The following DEFB125 variants were observed in gnomAD, a reference collection of about 807,000 sequenced individuals.
The protein encoded by DEFB125 is beta-defensin 125.
DEFB125 carries 11 observed loss-of-function variants against 11.8 expected under a neutral mutation model. That is an observed-to-expected ratio of 0.94 (90% CI 0.59 to 1.55). The LOEUF (loss-of-function observed/expected upper bound fraction) is 1.55. DEFB125 is among the 40% of genes most tolerant of loss of function. DEFB125 has a pLI of 0.00. For synonymous variants in DEFB125, 79 were observed against 66.7 expected (o/e 1.18, Z -0.90); for missense variants, 198 against 191.2 (o/e 1.04, Z -0.21).
intron 1 of DEFB125, among the ~76,000 whole-genome samples, chr20:93,902 A>T (rs2054505416): frequency 6.7e-6 from 1 of 150,050 alleles, no homozygotes; most frequent in South Asian, 2.1e-4. Flanking sequence ...GCTTGGTAAT[A>T]TTTTTTTTTT....
Position 97,059 on chromosome 20 carries a change from C to T in DEFB125, c.*642C>T, listed in dbSNP as rs2054518587. ...AAAAGTGGGACTTGCCTTGAGAGTA[C>T]ATCATATTAAATTAAAAGCTGCATC... On this transcript the variant is annotated 3_prime_UTR_variant, in exon 2 of 2. Coordinates refer to ENST00000382410, the MANE Select transcript of DEFB125 (RefSeq NM_153325.4). 6.6e-6 allele frequency: 1 copy of T among 152,200 alleles called. No individual in the cohort carries two copies. The highest frequency in any genetic ancestry group is 2.1e-4 in the South Asian group (1 of 4,828). The allele number at this position is 152,200 out of a possible 1,614,324, so 9.4% of individuals were successfully genotyped here. A position where few individuals can be genotyped will look rare whatever the true frequency, so the allele number is the denominator to read the frequency against.
Position 87,766 on chromosome 20 carries a change from AG to A in DEFB125, c.58+1del, listed in dbSNP as rs2054481338. ...GTGGGTTGCTAACTCGGGTGACCAA[AG>A]GTAATGGAACCCTATAAAGCAGAGA... ...ICGLLTRVTKGSFEPQKCWKN... is the reference protein window; with the variant it reads ...ICGLLTRVTKXSFEPQKCWKN... On this transcript the variant is annotated frameshift_variant and splice_region_variant, in exon 1 of 2. Coordinates refer to ENST00000382410, the MANE Select transcript of DEFB125 (RefSeq NM_153325.4). LOFTEE classifies it high-confidence loss of function. 2 of 1,612,894 alleles carry A rather than the reference AG, an allele frequency of 1.2e-6. No homozygotes were observed. The highest frequency in any genetic ancestry group is 2.7e-5 in the African/African-American group (2 of 74,888).
chr20:90,970 C>T (rs1156665669), intron 1 of DEFB125, among the ~76,000 whole-genome samples: 1 of 152,112 alleles, frequency 6.6e-6, no homozygotes, highest in Non-Finnish European at 1.5e-5. Flanking sequence ...TTTCTGCAAA[C>T]CATTTGTCAC....
In DEFB125 at chr20:96,498, T is replaced by A; in HGVS notation, c.*81T>A. The A allele has an allele frequency of 6.7e-7, 1 of 1,485,912 alleles. No individual in the cohort carries two copies. Among genetic ancestry groups the A allele is most frequent in the Non-Finnish European group, 9.0e-7 (1 of 1,114,856 alleles). The allele number at this position is 1,485,912 out of a possible 1,614,324, so 92.0% of individuals were successfully genotyped here. A position where few individuals can be genotyped will look rare whatever the true frequency, so the allele number is the denominator to read the frequency against. ...AAGAGCTGATTCTACCAATCCAATT[T>A]CACCAGGAAAATTCCATCAGGGATT... On this transcript the variant is annotated 3_prime_UTR_variant, in exon 2 of 2. Coordinates refer to ENST00000382410, the MANE Select transcript of DEFB125 (RefSeq NM_153325.4).
intron 1 of DEFB125, 117 bp from the exon 2 acceptor site, chr20:95,888 T>G: frequency 1.0e-6 from 1 of 961,804 alleles, no homozygotes; most frequent in Non-Finnish European, 1.5e-6. Context: ...TACAATGGCT[T>G]TTTGTATTTG....
chr20:96,046 C>T lies in DEFB125; in HGVS notation c.100C>T (p.His34Tyr). 6.2e-7 allele frequency: 1 copy of T among 1,612,978 alleles called. No individual in the cohort carries two copies. The highest frequency in any genetic ancestry group is 8.5e-7 in the Non-Finnish European group (1 of 1,179,188). ...AAAATGTTGGAAGAATAATGTAGGA[C>T]ATTGCAGAAGACGATGTTTAGATAC... ...PQKCWKNNVG[H>Y]CRRRCLDTER... The change falls in exon 2 of 2, where the codon CAT becomes TAT. Residue 34 changes from histidine to tyrosine, a missense_variant. Coordinates refer to ENST00000382410, the MANE Select transcript of DEFB125 (RefSeq NM_153325.4).
At chr20:94,263 T>C (rs2054506755) in intron 1 of DEFB125, among the ~76,000 whole-genome samples, 1 of 152,080 alleles carries the variant, frequency 6.6e-6, no homozygotes, top group African/African-American at 2.4e-5. Context: ...TTTTTTTATA[T>C]TGGGAACATT....
At chr20:89,173 A>AG (rs772029383) in intron 1 of DEFB125, among the ~76,000 whole-genome samples, 92 of 152,228 alleles carry the variant, frequency 6.0e-4, no homozygotes, top group Non-Finnish European at 8.7e-4. Flanking sequence ...TTAAATTTGG[A>AG]GGTGTTATAT....
Position 96,006 on chromosome 20 carries a change from T to C in DEFB125, c.60T>C (p.Gly20=). ...ICGLLTRVTK[G]SFEPQKCWKN... ...TGACCTATATTTTATTCTCTACAGGTAGCTTTGAACCCCAAAAATGTTGGA... is the reference window on the plus strand; with the variant it reads ...TGACCTATATTTTATTCTCTACAGGCAGCTTTGAACCCCAAAAATGTTGGA... Residue 20 remains glycine (G), a splice_region_variant and synonymous_variant, in exon 2 of 2, where the codon GGT becomes GGC. Coordinates refer to ENST00000382410, the MANE Select transcript of DEFB125 (RefSeq NM_153325.4). The C allele has an allele frequency of 6.3e-7, 1 of 1,594,716 alleles. No individual in the cohort carries two copies.
At chr20:95,538 A>C (rs916522963) in intron 1 of DEFB125, among the ~76,000 whole-genome samples, 1 of 150,320 alleles carries the variant, frequency 6.7e-6, no homozygotes, top group Non-Finnish European at 1.5e-5. Flanking sequence ...CTGGCCTGAA[A>C]TTTTTTTTTT....
At position 91,395 on chromosome 20, in the gene DEFB125, G is replaced by A. The variant is rs145654318; in HGVS notation, c.58+3628G>A. Among the ~76,000 whole-genome samples the A allele has an allele frequency of 2.9e-3, 441 of 152,252 alleles. 5 individuals are homozygous for A. The highest frequency in any genetic ancestry group is 1.0e-2 in the African/African-American group (415 of 41,534). On this transcript the variant is annotated intron_variant, in intron 1 of 1. Transcript: ENST00000382410. Reference sequence around the variant, plus strand: ...CCAAGAAATCTTTGCCAAGACCAACGTCCTGAAGTGTTTCCCTAATGTTTT... The same window carrying A: ...CCAAGAAATCTTTGCCAAGACCAACATCCTGAAGTGTTTCCCTAATGTTTT...
intron 1 of DEFB125, among the ~76,000 whole-genome samples, chr20:91,579 C>A (rs1271111408): frequency 6.6e-6 from 1 of 151,994 alleles, no homozygotes; most frequent in Non-Finnish European, 1.5e-5. Context: ...CCTCAAGGGC[C>A]CAGGATAGTG....
chr20:88,757 TTAATTACTCC>T, intron 1 of DEFB125, among the ~76,000 whole-genome samples: 1 of 152,132 alleles, frequency 6.6e-6, no homozygotes, highest in Non-Finnish European at 1.5e-5. Flanking sequence ...TTGCCTCACA[TTAATTACTCC>T]GCTACTGATG....
chr20:88,809 C>T (rs1381870500), intron 1 of DEFB125, among the ~76,000 whole-genome samples: 1 of 151,492 alleles, frequency 6.6e-6, no homozygotes, highest in Non-Finnish European at 1.5e-5. Context: ...AAAAACAATT[C>T]AGCAAGAAAA....
intron 1 of DEFB125, among the ~76,000 whole-genome samples, chr20:89,806 A>G (rs1374729943): frequency 6.6e-6 from 1 of 152,060 alleles, no homozygotes. Flanking sequence ...ATACATGCTT[A>G]ATGTATATTT....
At chr20:95,860 G>T in intron 1 of DEFB125, 145 bp from the exon 2 acceptor site, 2 of 682,718 alleles carry the variant, frequency 2.9e-6, no homozygotes, top group Non-Finnish European at 2.3e-6. Flanking sequence ...TACACTTTTT[G>T]TTCTCCTGTT....
At position 96,041 on chromosome 20, in the gene DEFB125, T is replaced by C. The variant is rs1170354505; in HGVS notation, c.95T>C (p.Val32Ala). The part of the protein sequence containing the change: ...FEPQKCWKNN[V>A]GHCRRRCLDT... ...CCCCAAAAATGTTGGAAGAATAATG[T>C]AGGACATTGCAGAAGACGATGTTTA... The change falls in exon 2 of 2, where the codon GTA becomes GCA. Residue 32 changes from valine (V) to alanine (A), a missense_variant. By Grantham distance (64) the Val-to-Ala change is moderately conservative. Coordinates refer to ENST00000382410, the MANE Select transcript of DEFB125 (RefSeq NM_153325.4). 1 of 1,612,542 alleles carries C rather than the reference T, an allele frequency of 6.2e-7. No homozygotes were observed. The highest frequency in any genetic ancestry group is 8.5e-7 in the Non-Finnish European group (1 of 1,178,812).
chr20:96,103 C>A lies in DEFB125; in HGVS notation c.157C>A (p.Leu53Ile). The A allele has an allele frequency of 6.2e-7, 1 of 1,614,128 alleles. No homozygotes were observed. Among genetic ancestry groups the A allele is most frequent in the Non-Finnish European group, 8.5e-7 (1 of 1,180,034 alleles). The change falls in exon 2 of 2, where the codon CTA (leucine) becomes ATA (isoleucine). Residue 53 changes from leucine (L) to isoleucine (I), a missense_variant. By Grantham distance (5) the Leu-to-Ile change is conservative (BLOSUM62 2). Transcript: ENST00000382410. ...ERYILLCRNK[L>I]SCCISIISHE... ...GTACATACTTCTTTGTAGGAACAAG[C>A]TATCATGCTGCATTTCTATAATATC...
Position 96,857 on chromosome 20 carries a change from A to C in DEFB125, c.*440A>C, listed in dbSNP as rs1275120842. On this transcript the variant is annotated 3_prime_UTR_variant, in exon 2 of 2. Transcript: ENST00000382410. ...TATAGGAGAACATATAAAAGCATAT[A>C]GAAAGTTCCAGATGAATGTTCCCTT... is the stretch of plus-strand genomic sequence containing the variant. The C allele has an allele frequency of 1.3e-5, 2 of 156,270 alleles. No homozygotes were observed. The highest frequency in any genetic ancestry group is 4.8e-5 in the African/African-American group (2 of 41,528). 9.7% of individuals were successfully genotyped at this position (156,270 alleles called of 1,614,324 possible). A position where few individuals can be genotyped will look rare whatever the true frequency, so the allele number is the denominator to read the frequency against.
Sources: allele counts gnomAD v4.1 joint callset (sites outside exome capture counted in the v4.1 genomes callset), GRCh38; gene constraint gnomAD v4.1.1; transcripts MANE v1.5; gene names NCBI Gene and HGNC (gene_info 2026-07-23, HGNC 2026-07-21).